DGKH: variants seen among roughly 807,000 people sequenced by gnomAD.
The protein encoded by DGKH is diacylglycerol kinase eta, also known as DAG kinase eta.
In DGKH, 90 loss-of-function variants were observed where a neutral mutation model predicts 159.3. The ratio of observed to expected loss-of-function variants is 0.57; its 90% CI spans 0.48 to 0.67. The LOEUF is 0.67. Ranked by LOEUF, DGKH falls within the 30% of genes least tolerant of loss-of-function variation. The pLI is 0.00. For missense variants in DGKH, 1,181 were observed against 1,506.1 expected (o/e 0.78, Z 3.57); for synonymous variants, 536 against 553.8 (o/e 0.97, Z 0.45).
In DGKH at chr13:42,041,053, C is replaced by T. The variant is rs890884531; in HGVS notation, c.-13+927C>T. On this transcript the variant is annotated intron_variant, in intron 1 of 29. Coordinates refer to the DGKH transcript ENST00000379274. ...GATGAGGTCCCCAGCTGCTTCCCAG[C>T]CGGGTTAGCGCTTCCTCCGCCGCCC... 2.0e-5 allele frequency among the ~76,000 whole-genome samples: 3 copies of T among 152,062 alleles called. 1 individual carries two copies. Among genetic ancestry groups the T allele is most frequent in the African/African-American group, 7.2e-5 (3 of 41,544 alleles).
chr13:42,126,218 C>T (rs1048986487), intron 1 of DGKH, among the ~76,000 whole-genome samples: 1 of 152,038 alleles, frequency 6.6e-6, no homozygotes, highest in Non-Finnish European at 1.5e-5. Flanking sequence ...GCACAATAAA[C>T]GTAGTAAATT....
chr13:42,192,151 G>A (rs1957087614), intron 16 of DGKH, among the ~76,000 whole-genome samples: 1 of 152,098 alleles, frequency 6.6e-6, no homozygotes, highest in Admixed American at 6.6e-5. Flanking sequence ...TTACATTAAC[G>A]GTGAGAGAAT....
At chr13:42,165,940 C>T (rs540470977) in intron 8 of DGKH, among the ~76,000 whole-genome samples, 64 of 152,206 alleles carry the variant, frequency 4.2e-4, no homozygotes, top group African/African-American at 1.5e-3. Context: ...TCTAAGCAAA[C>T]CGTATTGCAA....
chr13:42,151,558 T>TATATATACAC, intron 3 of DGKH, among the ~76,000 whole-genome samples: 3 of 104,094 alleles, frequency 2.9e-5, no homozygotes, highest in South Asian at 4.7e-4. Context: ...CGTGTATATA[T>TATATATACAC]GTAGTTTCAC....
intron 1 of DGKH, among the ~76,000 whole-genome samples, chr13:42,100,898 G>A (rs1045860980): frequency 2.0e-5 from 3 of 152,178 alleles, no homozygotes; most frequent in African/African-American, 7.2e-5. Context: ...TGTGGTGGGG[G>A]CAAGTAGACT....
At chr13:42,146,780 A>T (rs747031872) in intron 3 of DGKH, among the ~76,000 whole-genome samples, 1 of 152,242 alleles carries the variant, frequency 6.6e-6, no homozygotes, top group Non-Finnish European at 1.5e-5. Flanking sequence ...GGAGAGAAAT[A>T]CAAGAAGATA....
chr13:42,138,559 G>GT (rs1955455732), intron 3 of DGKH, among the ~76,000 whole-genome samples: 1 of 152,114 alleles, frequency 6.6e-6, no homozygotes, highest in Non-Finnish European at 1.5e-5. Context: ...ACTGTAGTGG[G>GT]TTTTTTTGGA....
intron 1 of DGKH, among the ~76,000 whole-genome samples, chr13:42,081,366 A>G (rs1396578737): frequency 2.0e-5 from 3 of 152,024 alleles, no homozygotes; most frequent in African/African-American, 7.3e-5. Flanking sequence ...AGTAACTGGG[A>G]CTACAGGTGT....
chr13:42,187,725 A>G (rs974542122), intron 14 of DGKH, among the ~76,000 whole-genome samples: 3 of 152,158 alleles, frequency 2.0e-5, no homozygotes, highest in Non-Finnish European at 4.4e-5. Context: ...AGGGGATCCC[A>G]TGCAGCTGGG....
At chr13:42,063,951 A>G (rs1189952468) in intron 1 of DGKH, among the ~76,000 whole-genome samples, 1 of 61,328 alleles carries the variant, frequency 1.6e-5, no homozygotes, top group Non-Finnish European at 4.0e-5. Context: ...AAAAAAAAAT[A>G]TATATATATA....
At chr13:42,047,377 C>G (rs1880861644), upstream of DGKH, among the ~76,000 whole-genome samples, 1 of 151,964 alleles carries the variant, frequency 6.6e-6, no homozygotes, top group Non-Finnish European at 1.5e-5. Flanking sequence ...AAGGTCATGT[C>G]AACTGAAAAA....
rs1430133391 is a variant in DGKH at position 42,210,662 on chromosome 13, G to C, written c.2911G>C (p.Val971Leu). ...DKQKCDSGKP[V>L]LRTHLYIHHA... ...GCAGAAGTGTGATTCTGGTAAACCA[G>C]TTCTCCGAACCCATTTGTACATCCA... The change falls in exon 24 of 30, where the codon GTT becomes CTT. Residue 971 changes from valine (V) to leucine (L), a missense_variant. Val to Leu is a conservative substitution (Grantham distance 32, BLOSUM62 1). Around this residue, in one of 5 missense-constraint regions of DGKH, gnomAD observed 335 missense variants for 495.2 expected, o/e 0.68. Coordinates refer to ENST00000337343, the MANE Select transcript of DGKH (RefSeq NM_178009.5). 1 of 1,612,104 alleles carries C rather than the reference G, an allele frequency of 6.2e-7. No homozygotes were observed. The highest frequency in any genetic ancestry group is 1.7e-5 in the Admixed American group (1 of 60,002).
chr13:42,205,540 T>G (rs1444027805), intron 20 of DGKH, among the ~76,000 whole-genome samples: 1 of 152,204 alleles, frequency 6.6e-6, no homozygotes, highest in Non-Finnish European at 1.5e-5. Context: ...GCATATATTT[T>G]TGCTTGACTT....
At chr13:42,223,314 A>G (rs1380743444) in intron 29 of DGKH, among the ~76,000 whole-genome samples, 2 of 152,128 alleles carry the variant, frequency 1.3e-5, no homozygotes, top group Non-Finnish European at 2.9e-5. Flanking sequence ...TGAATATGTC[A>G]GTGGCACACA....
intron 1 of DGKH, among the ~76,000 whole-genome samples, chr13:42,060,314 G>A (rs192205062): frequency 1.3e-5 from 2 of 152,104 alleles, no homozygotes; most frequent in Admixed American, 6.5e-5. Context: ...AATTCTGTTT[G>A]CCCCTTCCTA....
chr13:42,174,244 G>C (rs1956545395), intron 12 of DGKH, 100 bp downstream of exon 12: 1 of 993,872 alleles, frequency 1.0e-6, no homozygotes, highest in Non-Finnish European at 1.5e-6. Flanking sequence ...TATTGTGGTA[G>C]CATGTTAACT....
chr13:42,125,056 C>G (rs527448624), intron 1 of DGKH, among the ~76,000 whole-genome samples: 1 of 152,164 alleles, frequency 6.6e-6, no homozygotes, highest in Non-Finnish European at 1.5e-5. Flanking sequence ...CCATTTGAAT[C>G]GCCACCTCCT....
At chr13:42,110,454 A>G (rs1954842030) in intron 1 of DGKH, among the ~76,000 whole-genome samples, 1 of 152,218 alleles carries the variant, frequency 6.6e-6, no homozygotes, top group African/African-American at 2.4e-5. Flanking sequence ...CCACATCAAA[A>G]TAGTTGCATC....
intron 25 of DGKH, 23 bp from the exon 26 acceptor site, chr13:42,215,552 T>C (rs1265533171): frequency 1.3e-6 from 2 of 1,557,786 alleles, no homozygotes; most frequent in Non-Finnish European, 8.8e-7. Flanking sequence ...AGATCACATG[T>C]CTTTGATATT....
Sources: gnomAD v4.1 joint callset for allele counts (sites outside exome capture counted in the v4.1 genomes callset) on GRCh38, gnomAD v4.1.1 for gene constraint, gnomAD v4.1.1 regional missense constraint, MANE v1.5 for transcripts, NCBI Gene and HGNC (gene_info 2026-07-23, HGNC 2026-07-21) for gene names.